The following ADAM22 variants were observed in gnomAD, a reference collection of about 807,000 sequenced individuals.
ADAM22 encodes disintegrin and metalloproteinase domain-containing protein 22.
In ADAM22, 65 loss-of-function variants were observed where a neutral mutation model predicts 144.6. The observed-to-expected ratio is 0.45, with a 90% confidence interval of 0.37 to 0.55. The LOEUF (loss-of-function observed/expected upper bound fraction) is 0.55, where lower values mean the gene tolerates loss of function less well. ADAM22 is among the 20% of genes least tolerant of loss of function. The pLI is 0.00. For missense variants in ADAM22, 974 were observed against 1,184.9 expected, an observed-to-expected ratio of 0.82 and a Z score of 2.61; for synonymous variants, 391 against 412.6, an observed-to-expected ratio of 0.95 and a Z score of 0.63.
At chr7:88,092,290 C>T (rs1236111457) in intron 4 of ADAM22, among the ~76,000 whole-genome samples, 2 of 152,162 alleles carry the variant, frequency 1.3e-5, no homozygotes, top group Non-Finnish European at 2.9e-5. Flanking sequence ...TCCCCCCTAC[C>T]TCTTTTACCC....
At chr7:88,147,886 T>TTA (rs1245718982) in intron 17 of ADAM22, among the ~76,000 whole-genome samples, 2 of 152,234 alleles carry the variant, frequency 1.3e-5, no homozygotes, top group African/African-American at 4.8e-5. Flanking sequence ...TCTTATTTCC[T>TTA]TATTTTTAAC....
chr7:88,165,742 TA>T, intron 23 of ADAM22, 89 bp from the exon 24 acceptor site: 1 of 839,568 alleles, frequency 1.2e-6, no homozygotes, highest in South Asian at 2.0e-5. Flanking sequence ...TACCACATTC[TA>T]AGCATATAAT....
chr7:88,151,360 T>C (rs1045630072), intron 20 of ADAM22, 40 bp downstream of exon 20: 9 of 1,610,266 alleles, frequency 5.6e-6, no homozygotes, highest in African/African-American at 1.3e-5. Context: ...TAAAGCATGA[T>C]GTCAGGCGGA....
At chr7:88,112,227 A>C (rs910410253) in intron 5 of ADAM22, among the ~76,000 whole-genome samples, 5 of 152,234 alleles carry the variant, frequency 3.3e-5, no homozygotes, top group Admixed American at 1.3e-4. Flanking sequence ...ATGTCATCCA[A>C]ATTCAGAAAG....
chr7:87,952,820 T>G (rs1307129828), intron 2 of ADAM22, among the ~76,000 whole-genome samples: 1 of 151,866 alleles, frequency 6.6e-6, no homozygotes, highest in Non-Finnish European at 1.5e-5. Flanking sequence ...CAATTTCAGA[T>G]CCTGTTATTG....
chr7:88,149,168 C>G, intron 18 of ADAM22, 111 bp downstream of exon 18: 1 of 710,964 alleles, frequency 1.4e-6, no homozygotes. Flanking sequence ...GTCTCTTTCA[C>G]ATCATTTCTC....
rs368084042 is a variant in ADAM22 at position 87,978,390 on chromosome 7, A to T, written c.301A>T (p.Ile101Phe). The T allele has an allele frequency of 2.5e-6, 4 of 1,613,502 alleles. No individual in the cohort carries two copies. In the African/African-American group the frequency reaches 5.3e-5, roughly 22 times the overall value. ...GGTTGATGCCTTTGGAACGTCATTC[A>T]TTCTCGATGTCGTGCTAAATCAGTA... The part of the protein sequence containing the change: ...FQVDAFGTSF[I>F]LDVVLNHDLL... The change falls in exon 3 of 32, where the codon ATT becomes TTT. Residue 101 changes from isoleucine (I) to phenylalanine (F), a missense_variant. Transcript: ENST00000413139.
chr7:88,125,537 T>G lies in ADAM22; in HGVS notation c.608-52T>G, dbSNP rs1830211757. 8 of 1,367,314 alleles carry G rather than the reference T, an allele frequency of 5.9e-6. No homozygotes were observed. In the East Asian group the frequency reaches 1.9e-4, roughly 32 times the overall value. The allele number at this position is 1,367,314 out of a possible 1,614,324, so 84.7% of individuals were successfully genotyped here. On this transcript the variant is annotated intron_variant, in intron 7 of 31. Transcript: ENST00000413139. ...GGGCAGGTAAAACTTTGCCCTGTAT[T>G]GAAGAAATCTGACAAATGCACTAAG...
chr7:87,982,062 T>C (rs71539396), intron 3 of ADAM22, among the ~76,000 whole-genome samples: 1,925 of 108,560 alleles, frequency 0.018, 29 homozygotes, highest in Middle Eastern at 0.027. Context: ...TATATATATA[T>C]ATATATACAC....
intron 3 of ADAM22, among the ~76,000 whole-genome samples, chr7:88,002,834 A>T (rs759746459): frequency 3.9e-5 from 6 of 152,140 alleles, no homozygotes; most frequent in African/African-American, 1.2e-4. Flanking sequence ...CTTGATCCTG[A>T]CCCAAGACAT....
intron 2 of ADAM22, among the ~76,000 whole-genome samples, chr7:87,959,380 T>C (rs1847538796): frequency 6.6e-6 from 1 of 152,222 alleles, no homozygotes; most frequent in South Asian, 2.1e-4. Context: ...CTCCTTTTTT[T>C]TTAAGCTCCT....
Position 88,178,233 on chromosome 7 carries a change from A to G in ADAM22, c.2301-702A>G, listed in dbSNP as rs143130244. On this transcript the variant is annotated intron_variant, in intron 26 of 31. Transcript: ENST00000413139. ...AACTAAGGTCACCCACCAACTACCT[A>G]TAAATATACTTCTATAGTTTCAGCA... Among the ~76,000 whole-genome samples, 149 of 152,302 alleles carry G rather than the reference A, an allele frequency of 9.8e-4. 1 individual carries two copies. Among genetic ancestry groups the G allele is most frequent in the African/African-American group, 3.4e-3 (142 of 41,578 alleles).
intron 2 of ADAM22, among the ~76,000 whole-genome samples, chr7:87,946,429 G>A (rs572885641): frequency 1.3e-5 from 2 of 152,168 alleles, no homozygotes; most frequent in South Asian, 2.1e-4. Flanking sequence ...TTGAGGACTC[G>A]GTCATAAATT....
chr7:88,044,135 G>A (rs1483289463), intron 3 of ADAM22, among the ~76,000 whole-genome samples: 2 of 152,214 alleles, frequency 1.3e-5, no homozygotes, highest in African/African-American at 2.4e-5. Context: ...CAAAATTGTA[G>A]TCAAATAATA....
chr7:88,075,592 C>T, intron 3 of ADAM22, 34 bp from the exon 4 acceptor site: 1 of 1,589,812 alleles, frequency 6.3e-7, no homozygotes, highest in Non-Finnish European at 8.6e-7. Flanking sequence ...TTTTTGGGAT[C>T]CTCTTTAGTC....
chr7:87,974,177 G>A (rs1314008325), intron 2 of ADAM22, among the ~76,000 whole-genome samples: 1 of 151,058 alleles, frequency 6.6e-6, no homozygotes, highest in African/African-American at 2.4e-5. Context: ...GGTGGCGGGT[G>A]TCTGTAGTCC....
chr7:88,043,443 C>T (rs1369591967), intron 3 of ADAM22, among the ~76,000 whole-genome samples: 2 of 151,076 alleles, frequency 1.3e-5, no homozygotes, highest in Non-Finnish European at 2.9e-5. Context: ...CTAGATCGCG[C>T]CACTGCACTC....
At chr7:87,980,056 C>G (rs1040423074) in intron 3 of ADAM22, among the ~76,000 whole-genome samples, 1 of 152,074 alleles carries the variant, frequency 6.6e-6, no homozygotes, top group Non-Finnish European at 1.5e-5. Flanking sequence ...TGGAGACATC[C>G]GAGTCCAAAG....
Position 88,150,970 on chromosome 7 carries a change from C to T in ADAM22, c.1567-11C>T. ...ACTGCATTTCATTCATAGTTGTTCT[C>T]TTTTTCCTAGTGTGCCCCTAATATT... On this transcript the variant is annotated splice_polypyrimidine_tract_variant and intron_variant, in intron 18 of 31. Coordinates refer to ENST00000413139, the MANE Select transcript of ADAM22 (RefSeq NM_001324418.2). 1.2e-6 allele frequency: 2 copies of T among 1,611,288 alleles called. No individual in the cohort carries two copies. Among genetic ancestry groups the T allele is most frequent in the Non-Finnish European group, 1.7e-6 (2 of 1,177,720 alleles).
Sources: allele counts gnomAD v4.1 joint callset (sites outside exome capture counted in the v4.1 genomes callset), GRCh38; gene constraint gnomAD v4.1.1; transcripts MANE v1.5; gene names NCBI Gene and HGNC (gene_info 2026-07-23, HGNC 2026-07-21).